EEIG2: variants seen among roughly 807,000 people sequenced by gnomAD.
EEIG2 encodes the protein family with sequence similarity 102 member B.
chr1:108,629,254 C>A, the EEIG2 span, among the ~76,000 whole-genome samples: 3 of 152,082 alleles, frequency 2.0e-5, no homozygotes, highest in African/African-American at 7.2e-5. Flanking sequence ...TATAATTACT[C>A]ATGTTGATGT....
the EEIG2 span, among the ~76,000 whole-genome samples, chr1:108,633,133 C>G: frequency 6.6e-6 from 1 of 152,116 alleles, no homozygotes; most frequent in Non-Finnish European, 1.5e-5. Flanking sequence ...CACGGGCTGT[C>G]TTAGACTGCC....
the EEIG2 span, among the ~76,000 whole-genome samples, chr1:108,600,214 A>G: frequency 6.6e-6 from 1 of 152,182 alleles, no homozygotes; most frequent in South Asian, 2.1e-4. Context: ...TAATCCCTAC[A>G]AGGTCAGGAA....
chr1:108,628,864 TCAGCAGTAAAGAGGCTCAGAAC>T, the EEIG2 span: 1 of 1,522,488 alleles, frequency 6.6e-7, no homozygotes, highest in Non-Finnish European at 8.9e-7. Context: ...ATCTGTGTAG[TCAGCAGTAAAGAGGCTCAGAAC>T]ATCATAATAC....
At chr1:108,610,573 T>C in the EEIG2 span, among the ~76,000 whole-genome samples, 1 of 152,100 alleles carries the variant, frequency 6.6e-6, no homozygotes, top group East Asian at 1.9e-4. Flanking sequence ...ACATGCCCAG[T>C]TGGATATGGC....
chr1:108,568,817 G>A, the EEIG2 span, among the ~76,000 whole-genome samples: 1 of 152,152 alleles, frequency 6.6e-6, no homozygotes, highest in South Asian at 2.1e-4. Flanking sequence ...TGGGAAGGAG[G>A]AGAGGGGAAG....
chr1:108,597,716 T>G, the EEIG2 span, among the ~76,000 whole-genome samples: 1 of 152,222 alleles, frequency 6.6e-6, no homozygotes, highest in African/African-American at 2.4e-5. Flanking sequence ...CCCTGTGAGA[T>G]AATGCCTTTG....
the EEIG2 span, chr1:108,612,413 C>A: frequency 1.6e-6 from 1 of 629,498 alleles, no homozygotes; most frequent in African/African-American, 1.9e-5. Flanking sequence ...CTGACCATAC[C>A]ACTGAAGTAT....
chr1:108,598,875 C>T, the EEIG2 span, among the ~76,000 whole-genome samples: 1 of 152,066 alleles, frequency 6.6e-6, no homozygotes, highest in Admixed American at 6.5e-5. Context: ...CACCTGTAAT[C>T]CTAGCACTTT....
chr1:108,581,995 CCA>C, the EEIG2 span, among the ~76,000 whole-genome samples: 3 of 152,056 alleles, frequency 2.0e-5, no homozygotes, highest in African/African-American at 7.2e-5. Context: ...TAAGAAATTG[CCA>C]CAGCCACCCC....
the EEIG2 span, among the ~76,000 whole-genome samples, chr1:108,586,648 A>ATGCAG: frequency 2.6e-5 from 4 of 152,128 alleles, no homozygotes; most frequent in Non-Finnish European, 5.9e-5. Flanking sequence ...GAAGGCAGAC[A>ATGCAG]TGCAGGTGCA....
the EEIG2 span, among the ~76,000 whole-genome samples, chr1:108,590,016 T>C: frequency 1.3e-5 from 2 of 152,106 alleles, no homozygotes; most frequent in African/African-American, 4.8e-5. Context: ...TGTGTATCTG[T>C]CTGCCTCCTA....
chr1:108,607,272 C>T, the EEIG2 span, among the ~76,000 whole-genome samples: 1 of 152,182 alleles, frequency 6.6e-6, no homozygotes, highest in African/African-American at 2.4e-5. Context: ...AACACATTCA[C>T]GTATGACAAA....
chr1:108,578,350 G>C, the EEIG2 span, among the ~76,000 whole-genome samples: 37 of 126,870 alleles, frequency 2.9e-4, no homozygotes, highest in Non-Finnish European at 5.6e-4. Context: ...AATAGGAGCG[G>C]TGAGAGAGGG....
At chr1:108,597,516 A>G in the EEIG2 span, among the ~76,000 whole-genome samples, 1 of 152,172 alleles carries the variant, frequency 6.6e-6, no homozygotes, top group African/African-American at 2.4e-5. Context: ...CAGTCTGACT[A>G]TTTCCAAAAC....
chr1:108,573,903 G>T, the EEIG2 span, among the ~76,000 whole-genome samples: 1 of 152,224 alleles, frequency 6.6e-6, no homozygotes, highest in South Asian at 2.1e-4. Flanking sequence ...TGTTGGCAAT[G>T]ATGTGGAGAA....
At chr1:108,627,052 T>C in the EEIG2 span, 3 of 152,236 alleles carry the variant, frequency 2.0e-5, no homozygotes, top group East Asian at 3.8e-4. Context: ...TCCTATACCT[T>C]GTACAGTATT....
At chr1:108,609,051 G>T in the EEIG2 span, among the ~76,000 whole-genome samples, 578 of 152,244 alleles carry the variant, frequency 3.8e-3, 23 homozygotes, top group East Asian at 0.068. Context: ...CCACCCTTTT[G>T]GGGGTTAGGG....
the EEIG2 span, among the ~76,000 whole-genome samples, chr1:108,597,743 A>G: frequency 1.6e-4 from 25 of 152,190 alleles, no homozygotes; most frequent in Non-Finnish European, 2.8e-4. Context: ...TTTATTTAGT[A>G]GGTTTGGGGA....
At chr1:108,622,417 A>G in the EEIG2 span, among the ~76,000 whole-genome samples, 1 of 152,212 alleles carries the variant, frequency 6.6e-6, no homozygotes, top group Non-Finnish European at 1.5e-5. Flanking sequence ...TCAAGTAATT[A>G]GTGGAGATGG....
Sources: gnomAD v4.1 joint callset for allele counts (sites outside exome capture counted in the v4.1 genomes callset) on GRCh38, gnomAD v4.1.1 for gene constraint, MANE v1.5 for transcripts, NCBI Gene and HGNC (gene_info 2026-07-23, HGNC 2026-07-21) for gene names.